Variants in NRXN1 observed in about 807,000 individuals in gnomAD.
The protein encoded by NRXN1 is neurexin-1.
A neutral mutation model predicts 150.9 loss-of-function variants in NRXN1; 39 were observed. The observed-to-expected ratio is 0.26, with a 90% CI of 0.20 to 0.34. NRXN1 has a LOEUF of 0.34. NRXN1 is among the 10% of genes least tolerant of loss of function. The probability of loss-of-function intolerance (pLI) is 1.00; values close to 1 mark genes in which losing one functional copy is unlikely to be tolerated. For missense variants in NRXN1, 1,815 were observed against 1,949.9 expected, an observed-to-expected ratio of 0.93 and a Z score of 1.30; for synonymous variants, 924 against 757.0, an observed-to-expected ratio of 1.22 and a Z score of -3.62.
chr2:50,718,087 G>A lies in NRXN1; in HGVS notation c.833-94472C>T, dbSNP rs182486896. On this transcript the variant is annotated intron_variant, in intron 5 of 22. Transcript: ENST00000401669. ...ATTTTTAATTCCTGGTGTCCATAAC[G>A]TCAGCAATTACCCGATGTTGTTTTC... Among the ~76,000 whole-genome samples the A allele has an allele frequency of 7.9e-5, 12 of 152,156 alleles. No homozygotes were observed. In the East Asian group the frequency reaches 1.2e-3, roughly 15 times the overall value.
chr2:50,849,480 C>A (rs1674191091), intron 5 of NRXN1, among the ~76,000 whole-genome samples: 1 of 152,218 alleles, frequency 6.6e-6, no homozygotes, highest in African/African-American at 2.4e-5. Flanking sequence ...CTAACCTCTA[C>A]AAGCATCAAT....
intron 18 of NRXN1, among the ~76,000 whole-genome samples, chr2:50,169,543 T>A (rs1007168878): frequency 1.3e-5 from 2 of 151,746 alleles, no homozygotes; most frequent in African/African-American, 4.8e-5. Flanking sequence ...TGAAACCCCA[T>A]CTCTACTAAA....
At chr2:50,316,673 A>T (rs946079553) in intron 17 of NRXN1, among the ~76,000 whole-genome samples, 1 of 152,084 alleles carries the variant, frequency 6.6e-6, no homozygotes, top group Admixed American at 6.6e-5. Flanking sequence ...TCTGCTGGAG[A>T]TAGTAAGGTA....
At chr2:50,168,010 C>T (rs138509132) in intron 18 of NRXN1, among the ~76,000 whole-genome samples, 52 of 150,850 alleles carry the variant, frequency 3.4e-4, no homozygotes, top group African/African-American at 1.2e-3. Context: ...GCTTTTATTT[C>T]AAGGTTTGCA....
intron 18 of NRXN1, among the ~76,000 whole-genome samples, chr2:50,135,790 GT>G (rs1706313473): frequency 6.6e-6 from 1 of 152,174 alleles, no homozygotes; most frequent in African/African-American, 2.4e-5. Flanking sequence ...TGGCTGTAGT[GT>G]TTTAGACTTT....
intron 5 of NRXN1, among the ~76,000 whole-genome samples, chr2:50,827,868 T>C (rs1670693522): frequency 6.7e-6 from 1 of 149,330 alleles, no homozygotes; most frequent in Non-Finnish European, 1.5e-5. Context: ...CCGCCCTTAA[T>C]CCATTTAACC....
intron 18 of NRXN1, among the ~76,000 whole-genome samples, chr2:50,165,247 G>C (rs1335183483): frequency 6.6e-6 from 1 of 152,180 alleles, no homozygotes; most frequent in African/African-American, 2.4e-5. Flanking sequence ...ATGGAGGAGT[G>C]AGGGACATTA....
chr2:50,356,325 T>A (rs1177251026), intron 17 of NRXN1, among the ~76,000 whole-genome samples: 2 of 152,188 alleles, frequency 1.3e-5, no homozygotes, highest in African/African-American at 4.8e-5. Context: ...GCACAATTAT[T>A]CCAATAGTTC....
intron 18 of NRXN1, among the ~76,000 whole-genome samples, chr2:50,221,770 C>A (rs2063908800): frequency 6.6e-6 from 1 of 151,938 alleles, no homozygotes; most frequent in African/African-American, 2.4e-5. Context: ...TGGCTATTAG[C>A]AAATGCCACA....
chr2:50,244,393 G>C (rs571954835), intron 17 of NRXN1, among the ~76,000 whole-genome samples: 1 of 151,946 alleles, frequency 6.6e-6, no homozygotes, highest in Non-Finnish European at 1.5e-5. Context: ...ATGTTCATTG[G>C]TGTCGTATAA....
At chr2:50,884,033 T>C (rs1679851987) in intron 5 of NRXN1, among the ~76,000 whole-genome samples, 1 of 151,838 alleles carries the variant, frequency 6.6e-6, no homozygotes, top group African/African-American at 2.4e-5. Context: ...TTTATCTGTA[T>C]TCTTAGTATG....
At chr2:50,379,663 A>G (rs1311921448) in intron 17 of NRXN1, among the ~76,000 whole-genome samples, 1 of 152,158 alleles carries the variant, frequency 6.6e-6, no homozygotes, top group African/African-American at 2.4e-5. Context: ...TGATTAAGGC[A>G]ATACGTACCA....
chr2:51,019,582 G>C (rs919177878), intron 2 of NRXN1, among the ~76,000 whole-genome samples: 5 of 152,006 alleles, frequency 3.3e-5, no homozygotes, highest in African/African-American at 1.2e-4. Flanking sequence ...AGTTATGGTT[G>C]AACTACCTGG....
At chr2:50,953,838 G>A (rs1459584336) in intron 2 of NRXN1, among the ~76,000 whole-genome samples, 3 of 152,080 alleles carry the variant, frequency 2.0e-5, no homozygotes, top group Admixed American at 6.6e-5. Flanking sequence ...TGAGATTAAA[G>A]GCATGAGCCA....
chr2:50,503,290 A>G (rs1007254316), intron 13 of NRXN1, among the ~76,000 whole-genome samples: 1 of 151,740 alleles, frequency 6.6e-6, no homozygotes, highest in African/African-American at 2.4e-5. Flanking sequence ...CCTGGGTGAC[A>G]GAATGAGACT....
chr2:50,017,418 A>T (rs1686830332), intron 21 of NRXN1, among the ~76,000 whole-genome samples: 2 of 152,208 alleles, frequency 1.3e-5, no homozygotes, highest in Admixed American at 1.3e-4. Flanking sequence ...GCAATGTTAA[A>T]TAATAAAAGC....
intron 2 of NRXN1, among the ~76,000 whole-genome samples, chr2:50,978,084 T>C (rs1696145682): frequency 2.0e-5 from 3 of 151,208 alleles, no homozygotes; most frequent in South Asian, 4.1e-4. Context: ...GATACTACAG[T>C]GATCTATACA....
chr2:50,938,400 C>G (rs1688867299), intron 2 of NRXN1, among the ~76,000 whole-genome samples: 2 of 152,164 alleles, frequency 1.3e-5, no homozygotes, highest in African/African-American at 4.8e-5. Flanking sequence ...TTGTCAATAT[C>G]ACTATCAGTA....
chr2:50,316,972 C>G (rs1402111861), intron 17 of NRXN1, among the ~76,000 whole-genome samples: 1 of 151,592 alleles, frequency 6.6e-6, no homozygotes, highest in Non-Finnish European at 1.5e-5. Context: ...TTCGAAAATA[C>G]CAAAAGAAAA....
Sources: gnomAD v4.1 joint callset for allele counts (sites outside exome capture counted in the v4.1 genomes callset) on GRCh38, gnomAD v4.1.1 for gene constraint, MANE v1.5 for transcripts, NCBI Gene and HGNC (gene_info 2026-07-23, HGNC 2026-07-21) for gene names.